The following NPAS2 variants were observed in gnomAD, a reference collection of about 807,000 sequenced individuals.
NPAS2 encodes the protein neuronal PAS domain protein 2.
In NPAS2, 23 loss-of-function variants were observed where a neutral mutation model predicts 107.5. The ratio of observed to expected loss-of-function variants is 0.21; its 90% CI spans 0.15 to 0.30. NPAS2 has a LOEUF of 0.30. NPAS2 is among the 10% of genes least tolerant of loss of function. The pLI, the probability that NPAS2 is intolerant of heterozygous loss-of-function variation, is 1.00. For synonymous variants in NPAS2, 403 were observed against 417.5 expected, an observed-to-expected ratio of 0.97 and a Z score of 0.42; for missense variants, 756 against 1,043.3, an observed-to-expected ratio of 0.72 and a Z score of 3.79.
rs752003277 is a variant in NPAS2, at chr2:100,995,632, G to T, written c.*50G>T. The T allele has an allele frequency of 6.3e-7, 1 of 1,576,094 alleles. No individual in the cohort carries two copies. Among genetic ancestry groups the T allele is most frequent in the South Asian group, 1.1e-5 (1 of 87,290 alleles). ...CAATCAGCTTTAACCAATGGATGAGGGGGGTGGCCACAGGAGATGGGGAGA... is the reference window on the plus strand; with the variant it reads ...CAATCAGCTTTAACCAATGGATGAGTGGGGTGGCCACAGGAGATGGGGAGA... On this transcript the variant is annotated 3_prime_UTR_variant, in exon 21 of 21. Coordinates refer to ENST00000335681, the MANE Select transcript of NPAS2 (RefSeq NM_002518.4).
chr2:100,962,192 A>T (rs1357557325), intron 7 of NPAS2, among the ~76,000 whole-genome samples: 1 of 152,108 alleles, frequency 6.6e-6, no homozygotes, highest in Non-Finnish European at 1.5e-5. Context: ...CTTTATATTC[A>T]TGTTTGGAAA....
At chr2:100,871,540 A>G (rs1679588493) in intron 1 of NPAS2, among the ~76,000 whole-genome samples, 2 of 152,034 alleles carry the variant, frequency 1.3e-5, no homozygotes. Context: ...CGTGTTGGCC[A>G]GGTTGGTCTT....
At chr2:100,924,078 A>ATAGACTTT (rs891250958) in intron 2 of NPAS2, among the ~76,000 whole-genome samples, 1 of 152,190 alleles carries the variant, frequency 6.6e-6, no homozygotes, top group African/African-American at 2.4e-5. Flanking sequence ...CTTATTTAAA[A>ATAGACTTT]TAGACTTTAT....
intron 15 of NPAS2, among the ~76,000 whole-genome samples, chr2:100,980,287 C>T (rs1005838588): frequency 1.3e-5 from 2 of 152,144 alleles, no homozygotes; most frequent in East Asian, 1.9e-4. Context: ...CTGAGTTTCC[C>T]GACTTCGTAG....
chr2:100,831,120 T>G (rs1365835651), intron 1 of NPAS2, among the ~76,000 whole-genome samples: 4 of 151,990 alleles, frequency 2.6e-5, no homozygotes, highest in Admixed American at 2.0e-4. Flanking sequence ...GGCAACATGG[T>G]GAAACCGCTT....
At chr2:100,858,412 G>A (rs1407451617) in intron 1 of NPAS2, among the ~76,000 whole-genome samples, 4 of 152,162 alleles carry the variant, frequency 2.6e-5, no homozygotes, top group East Asian at 3.8e-4. Flanking sequence ...TCCTTCCAGC[G>A]TGCACTCTCA....
intron 2 of NPAS2, 120 bp from the exon 3 acceptor site, chr2:100,925,026 A>G: frequency 2.8e-6 from 3 of 1,064,100 alleles, no homozygotes; most frequent in Non-Finnish European, 4.0e-6. Flanking sequence ...TTCCTGAAAG[A>G]GTTTTTTGAT....
intron 2 of NPAS2, among the ~76,000 whole-genome samples, chr2:100,906,961 A>G (rs1363656705): frequency 6.6e-6 from 1 of 152,202 alleles, no homozygotes; most frequent in Non-Finnish European, 1.5e-5. Context: ...CTTAGACTCT[A>G]TTCTTATCCC....
intron 17 of NPAS2, 140 bp from the exon 18 acceptor site, chr2:100,990,116 A>T: frequency 1.3e-6 from 1 of 759,078 alleles, no homozygotes; most frequent in Non-Finnish European, 2.3e-6. Context: ...GTCACAGATC[A>T]AAGTAATTCA....
Position 100,967,056 on chromosome 2 carries a change from T to C in NPAS2, c.908-1225T>C, listed in dbSNP as rs1250931377. 2.0e-5 allele frequency among the ~76,000 whole-genome samples: 3 copies of C among 147,408 alleles called. No individual in the cohort carries two copies. The Admixed American group carries it at 2.1e-4, about 10-fold the overall frequency. ...AGGCATCACGGGAAGTTTGCTACAC[T>C]TGTAGAATCAGGCCTACTCAGAGTG... On this transcript the variant is annotated intron_variant, in intron 10 of 20. Transcript: ENST00000335681.
At chr2:100,874,724 A>C (rs1679846050) in intron 1 of NPAS2, among the ~76,000 whole-genome samples, 1 of 152,168 alleles carries the variant, frequency 6.6e-6, no homozygotes, top group Non-Finnish European at 1.5e-5. Context: ...CCTGGGGGAC[A>C]GGAGTGAAAC....
rs187208040 is a variant in NPAS2, at chr2:100,849,578, A to G, written c.-23+29164A>G. On this transcript the variant is annotated intron_variant, in intron 1 of 20. Transcript: ENST00000335681. Reference sequence around the variant, plus strand: ...ACCATATTCTAATCACAACATTACTATAAAATGATAGGCATGACTTCTATA... The same window carrying G: ...ACCATATTCTAATCACAACATTACTGTAAAATGATAGGCATGACTTCTATA... 4.5e-3 allele frequency among the ~76,000 whole-genome samples: 680 copies of G among 152,326 alleles called. 6 individuals carry two copies. Among genetic ancestry groups the G allele is most frequent in the African/African-American group, 0.016 (660 of 41,576 alleles).
intron 2 of NPAS2, among the ~76,000 whole-genome samples, chr2:100,913,738 A>G (rs191810808): frequency 2.1e-4 from 32 of 152,314 alleles, no homozygotes; most frequent in African/African-American, 7.0e-4. Context: ...CAAGGGAAAC[A>G]TAGGACTTTT....
intron 3 of NPAS2, among the ~76,000 whole-genome samples, chr2:100,925,880 A>C (rs543807816): frequency 7.4e-4 from 112 of 152,314 alleles, no homozygotes; most frequent in African/African-American, 2.5e-3. Flanking sequence ...TGTAACCATC[A>C]CCACTCTCTA....
chr2:100,919,611 T>C (rs1304081817), intron 2 of NPAS2, among the ~76,000 whole-genome samples: 1 of 152,152 alleles, frequency 6.6e-6, no homozygotes, highest in African/African-American at 2.4e-5. Context: ...TGAGGACCCA[T>C]TTCATTTCCT....
intron 1 of NPAS2, among the ~76,000 whole-genome samples, chr2:100,850,940 TG>T (rs1678130999): frequency 2.3e-5 from 2 of 86,768 alleles, no homozygotes; most frequent in African/African-American, 5.0e-5. Context: ...GCAACAAGAG[TG>T]AAACTCTGTC....
chr2:100,863,326 T>A (rs1679055109), intron 1 of NPAS2, among the ~76,000 whole-genome samples: 1 of 152,194 alleles, frequency 6.6e-6, no homozygotes, highest in Non-Finnish European at 1.5e-5. Flanking sequence ...GATGGTGGGT[T>A]GCTTGGTTGA....
intron 4 of NPAS2, 121 bp from the exon 5 acceptor site, chr2:100,937,632 T>C (rs1684410553): frequency 2.6e-6 from 2 of 769,578 alleles, no homozygotes; most frequent in African/African-American, 1.7e-5. Context: ...AGGTTATTCA[T>C]GGAAATATTC....
At chr2:100,904,836 G>A (rs113711656) in intron 2 of NPAS2, 50 bp downstream of exon 2, 4 of 1,405,094 alleles carry the variant, frequency 2.8e-6, no homozygotes, top group East Asian at 2.3e-5. Flanking sequence ...GCCCCCGGGG[G>A]TCTGCCTGGC....
Sources: gnomAD v4.1 joint callset for allele counts (sites outside exome capture counted in the v4.1 genomes callset) on GRCh38, gnomAD v4.1.1 for gene constraint, MANE v1.5 for transcripts, NCBI Gene and HGNC (gene_info 2026-07-23, HGNC 2026-07-21) for gene names.